The following COL26A1 variants were observed in gnomAD, a reference collection of about 807,000 sequenced individuals.
COL26A1 encodes collagen alpha-1(XXVI) chain.
Under a neutral mutation model 59.3 loss-of-function variants are expected in COL26A1, and 41 were observed. That is an observed-to-expected ratio of 0.69 (90% confidence interval 0.54 to 0.90). The LOEUF is 0.90. Ranked by LOEUF, COL26A1 falls within the 40% of genes least tolerant of loss-of-function variation. The pLI is 0.00. For missense variants in COL26A1, 612 were observed against 602.3 expected, an observed-to-expected ratio of 1.02 and a Z score of -0.17; for synonymous variants, 266 against 256.0, an observed-to-expected ratio of 1.04 and a Z score of -0.37.
At chr7:101,464,157 G>T (rs1368396770) in intron 3 of COL26A1, among the ~76,000 whole-genome samples, 3 of 151,910 alleles carry the variant, frequency 2.0e-5, no homozygotes, top group African/African-American at 4.8e-5. Flanking sequence ...ATAAAAATGG[G>T]ATCTTGCCAT....
intron 9 of COL26A1, among the ~76,000 whole-genome samples, chr7:101,549,617 A>C (rs1795818932): frequency 6.6e-6 from 1 of 152,162 alleles, no homozygotes; most frequent in Non-Finnish European, 1.5e-5. Flanking sequence ...TCCGACCTCA[A>C]GTAATCCATC....
At chr7:101,363,292 CG>C in intron 1 of COL26A1, 102 bp downstream of exon 1, 1 of 836,056 alleles carries the variant, frequency 1.2e-6, no homozygotes, top group South Asian at 2.4e-5. Context: ...GGCTGGAGAG[CG>C]GGGCGATCCG....
At chr7:101,363,727 C>T (rs1438754447) in intron 1 of COL26A1, among the ~76,000 whole-genome samples, 2 of 151,880 alleles carry the variant, frequency 1.3e-5, no homozygotes, top group East Asian at 1.9e-4. Context: ...CAACCTTCGC[C>T]CCCTCGTTCC....
intron 1 of COL26A1, among the ~76,000 whole-genome samples, chr7:101,363,767 C>G (rs1790970793): frequency 4.6e-5 from 7 of 151,088 alleles, no homozygotes. Flanking sequence ...TTCCGACCGC[C>G]GTGGCTGGGG....
intron 3 of COL26A1, among the ~76,000 whole-genome samples, chr7:101,498,998 G>A (rs551740297): frequency 6.6e-6 from 1 of 152,338 alleles, no homozygotes; most frequent in South Asian, 2.1e-4. Flanking sequence ...TGGAGCTCAC[G>A]TTCCCTGAAG....
intron 2 of COL26A1, among the ~76,000 whole-genome samples, chr7:101,426,424 T>C (rs1470867249): frequency 6.6e-6 from 1 of 152,148 alleles, no homozygotes; most frequent in Non-Finnish European, 1.5e-5. Flanking sequence ...ATCCTTTGAC[T>C]GAACTCTCCA....
At chr7:101,499,577 T>C (rs1453768261) in intron 3 of COL26A1, among the ~76,000 whole-genome samples, 1 of 151,994 alleles carries the variant, frequency 6.6e-6, no homozygotes, top group African/African-American at 2.4e-5. Flanking sequence ...CCAGCTATTC[T>C]GGAGGCTGAG....
chr7:101,496,971 C>T (rs1239537360), intron 3 of COL26A1, among the ~76,000 whole-genome samples: 1 of 151,988 alleles, frequency 6.6e-6, no homozygotes, highest in Non-Finnish European at 1.5e-5. Flanking sequence ...GGCCCAATGG[C>T]TCACGCCTGT....
intron 3 of COL26A1, among the ~76,000 whole-genome samples, chr7:101,532,197 C>T (rs1315356887): frequency 2.0e-5 from 3 of 152,230 alleles, no homozygotes; most frequent in Non-Finnish European, 4.4e-5. Flanking sequence ...TGCTCTTGGG[C>T]GGGGTCAGCA....
chr7:101,387,772 A>ATTTTTTTTTTTTTTTTT (rs1374717696), intron 1 of COL26A1, among the ~76,000 whole-genome samples: 13 of 42,516 alleles, frequency 3.1e-4, no homozygotes, highest in East Asian at 6.5e-4. Flanking sequence ...ATATATATAT[A>ATTTTTTTTTTTTTTTTT]TATATATTTT....
intron 3 of COL26A1, among the ~76,000 whole-genome samples, chr7:101,487,253 T>A (rs1794288626): frequency 6.6e-6 from 1 of 151,686 alleles, no homozygotes; most frequent in Admixed American, 6.6e-5. Context: ...GGCAGGGTGT[T>A]GTGAGCCAGA....
At chr7:101,527,494 A>AT (rs35889525) in intron 3 of COL26A1, among the ~76,000 whole-genome samples, 43,710 of 143,872 alleles carry the variant, frequency 0.3, 6,605 homozygotes, top group Middle Eastern at 0.34. Context: ...CGTCCAGCTG[A>AT]TTTTTTTTTT....
intron 1 of COL26A1, among the ~76,000 whole-genome samples, chr7:101,364,489 A>G (rs1448210779): frequency 6.6e-6 from 1 of 151,594 alleles, no homozygotes; most frequent in African/African-American, 2.4e-5. Flanking sequence ...TTAGAGTAGT[A>G]TCTTTCCTTT....
At chr7:101,414,008 A>G (rs1226489051) in intron 1 of COL26A1, among the ~76,000 whole-genome samples, 1 of 152,218 alleles carries the variant, frequency 6.6e-6, no homozygotes, top group Non-Finnish European at 1.5e-5. Context: ...AGACAGAGGC[A>G]GACAAAACAC....
At chr7:101,379,726 G>T (rs1337654103) in intron 1 of COL26A1, among the ~76,000 whole-genome samples, 1 of 152,174 alleles carries the variant, frequency 6.6e-6, no homozygotes, top group Non-Finnish European at 1.5e-5. Context: ...CAGTAAAAAA[G>T]CCGGCCAAAA....
chr7:101,472,064 G>C (rs142044178), intron 3 of COL26A1, among the ~76,000 whole-genome samples: 4,522 of 152,192 alleles, frequency 0.03, 180 homozygotes, highest in African/African-American at 0.1. Flanking sequence ...GAGTGCAGTG[G>C]TATAAACATG....
intron 3 of COL26A1, among the ~76,000 whole-genome samples, chr7:101,452,972 C>T (rs1056438170): frequency 2.0e-5 from 3 of 152,076 alleles, no homozygotes; most frequent in Admixed American, 6.6e-5. Context: ...ACCATGTTGG[C>T]CAAGCTGACC....
chr7:101,434,450 C>G (rs998017414), intron 2 of COL26A1, among the ~76,000 whole-genome samples: 1 of 151,930 alleles, frequency 6.6e-6, no homozygotes, highest in Non-Finnish European at 1.5e-5. Flanking sequence ...TTTGTAGAGA[C>G]AGGGTCTCAC....
chr7:101,463,814 C>G (rs1309574396), intron 3 of COL26A1, among the ~76,000 whole-genome samples: 6 of 83,142 alleles, frequency 7.2e-5, no homozygotes, highest in African/African-American at 3.2e-4. Context: ...TCTTTCTTCC[C>G]TCCCTCCCTT....
Sources: allele counts gnomAD v4.1 joint callset (sites outside exome capture counted in the v4.1 genomes callset), GRCh38; gene constraint gnomAD v4.1.1; transcripts MANE v1.5; gene names NCBI Gene and HGNC (gene_info 2026-07-23, HGNC 2026-07-21).